PLXDC2: variants seen among roughly 807,000 people sequenced by gnomAD.
PLXDC2 encodes the protein plexin domain containing 2.
PLXDC2 carries 40 observed loss-of-function variants against 68.9 expected under a neutral mutation model. The observed-to-expected ratio is 0.58, with a 90% CI of 0.45 to 0.76. PLXDC2 has a LOEUF of 0.76. Among genes scored for constraint, PLXDC2 ranks in the 30% least tolerant of loss-of-function variants. The pLI is 0.00. For synonymous variants in PLXDC2, 243 were observed against 234.2 expected (o/e 1.04, Z -0.34); for missense variants, 644 against 661.9 (o/e 0.97, Z 0.30).
intron 1 of PLXDC2, among the ~76,000 whole-genome samples, chr10:19,823,457 G>A (rs1350397451): frequency 6.6e-6 from 1 of 151,622 alleles, no homozygotes; most frequent in African/African-American, 2.4e-5. Context: ...GTGGAGGTGG[G>A]TAGATCAAGA....
chr10:20,171,906 T>C (rs956658354), intron 7 of PLXDC2, among the ~76,000 whole-genome samples: 1 of 152,084 alleles, frequency 6.6e-6, no homozygotes, highest in African/African-American at 2.4e-5. Flanking sequence ...GCCCGCCAGT[T>C]CCAGACCAGC....
chr10:19,847,135 A>T (rs113234058), intron 1 of PLXDC2, among the ~76,000 whole-genome samples: 3 of 152,132 alleles, frequency 2.0e-5, no homozygotes, highest in African/African-American at 7.2e-5. Context: ...ACAGAGTCAA[A>T]CCACAACACT....
chr10:20,236,459 T>C (rs1588535186), intron 12 of PLXDC2, among the ~76,000 whole-genome samples: 1 of 151,970 alleles, frequency 6.6e-6, no homozygotes, highest in Admixed American at 6.6e-5. Flanking sequence ...TTAATAATAA[T>C]AACAATAATT....
chr10:20,112,724 T>G (rs560410687), intron 4 of PLXDC2, among the ~76,000 whole-genome samples: 22 of 152,360 alleles, frequency 1.4e-4, no homozygotes, highest in Middle Eastern at 3.4e-3. Context: ...TTAGGCTACC[T>G]TAGTTTATTC....
chr10:20,269,669 C>G (rs192380609), intron 13 of PLXDC2, among the ~76,000 whole-genome samples: 5 of 152,208 alleles, frequency 3.3e-5, no homozygotes, highest in Middle Eastern at 3.4e-3. Context: ...GAAGGACAAA[C>G]CACAGAAGCT....
At chr10:20,260,400 T>C (rs1041707281) in intron 13 of PLXDC2, among the ~76,000 whole-genome samples, 7 of 152,228 alleles carry the variant, frequency 4.6e-5, no homozygotes, top group Non-Finnish European at 1.0e-4. Flanking sequence ...TCTGGTTTTA[T>C]GTAATTGATC....
chr10:20,146,379 CCCT>C (rs1834077962), intron 5 of PLXDC2, among the ~76,000 whole-genome samples: 1 of 151,304 alleles, frequency 6.6e-6, no homozygotes, highest in Non-Finnish European at 1.5e-5. Flanking sequence ...CTTCCTCCCT[CCCT>C]CCTTTCTTTC....
In PLXDC2 at chr10:20,028,805, T is replaced by C. The variant is rs117576615; in HGVS notation, c.325-18064T>C. On this transcript the variant is annotated intron_variant, in intron 2 of 13. Transcript: ENST00000377252. ...TAGCTTCCAAACCAATGTCTGATTA[T>C]AATTTGTACCTTCTCTGTTCCACCC... Among the ~76,000 whole-genome samples the C allele has an allele frequency of 3.0e-3, 454 of 152,334 alleles. 20 individuals carry two copies. In the East Asian group the frequency reaches 0.077, roughly 26 times the overall value.
intron 13 of PLXDC2, among the ~76,000 whole-genome samples, chr10:20,259,070 T>C (rs935025836): frequency 6.6e-6 from 1 of 151,734 alleles, no homozygotes; most frequent in Admixed American, 6.6e-5. Flanking sequence ...CAGGATGAGC[T>C]AAGAGGAAGC....
chr10:20,030,673 A>T (rs756836487), intron 2 of PLXDC2, among the ~76,000 whole-genome samples: 17 of 152,096 alleles, frequency 1.1e-4, no homozygotes, highest in Non-Finnish European at 2.2e-4. Flanking sequence ...TGATTGGTAG[A>T]TACAGCTGAG....
At chr10:20,125,816 G>C (rs1307415209) in intron 4 of PLXDC2, among the ~76,000 whole-genome samples, 1 of 152,016 alleles carries the variant, frequency 6.6e-6, no homozygotes, top group Non-Finnish European at 1.5e-5. Context: ...TTATAGAGGA[G>C]ATTGCAACTC....
chr10:20,133,842 A>C (rs1833900353), intron 4 of PLXDC2, among the ~76,000 whole-genome samples: 2 of 152,120 alleles, frequency 1.3e-5, no homozygotes, highest in Non-Finnish European at 2.9e-5. Context: ...TAATGAATAT[A>C]TTGGTTCACT....
At chr10:19,962,104 C>A (rs911690490) in intron 1 of PLXDC2, among the ~76,000 whole-genome samples, 1 of 151,850 alleles carries the variant, frequency 6.6e-6, no homozygotes, top group Admixed American at 6.6e-5. Flanking sequence ...ATTTTTCTTG[C>A]CATAAAGCTA....
At chr10:20,146,079 A>C (rs1834073653) in intron 5 of PLXDC2, among the ~76,000 whole-genome samples, 1 of 152,228 alleles carries the variant, frequency 6.6e-6, no homozygotes, top group African/African-American at 2.4e-5. Context: ...CCAAGTTCAC[A>C]TGGAAAGTTT....
At chr10:20,005,740 A>T (rs2131640455) in intron 2 of PLXDC2, among the ~76,000 whole-genome samples, 1 of 152,236 alleles carries the variant, frequency 6.6e-6, no homozygotes, top group East Asian at 1.9e-4. Flanking sequence ...TCACCAAGGG[A>T]ATGGCACTAA....
chr10:19,986,453 T>C lies in PLXDC2; in HGVS notation c.113-15322T>C, dbSNP rs1020454395. Among the ~76,000 whole-genome samples, 3 of 151,882 alleles carry C rather than the reference T, an allele frequency of 2.0e-5. No homozygotes were observed. In the East Asian group the frequency reaches 5.8e-4, roughly 29 times the overall value. On this transcript the variant is annotated intron_variant, in intron 1 of 13. Transcript: ENST00000377252. ...ATTTTTGACTTAATTTTAATTAAAC[T>C]TCATGAAGTATTCGATTGATAAATG...
At chr10:19,941,903 A>C (rs1833825300) in intron 1 of PLXDC2, among the ~76,000 whole-genome samples, 1 of 151,870 alleles carries the variant, frequency 6.6e-6, no homozygotes, top group African/African-American at 2.4e-5. Context: ...TTTTTTCATA[A>C]GATGAGGTAC....
At chr10:20,125,448 A>G (rs1833760151) in intron 4 of PLXDC2, among the ~76,000 whole-genome samples, 1 of 152,208 alleles carries the variant, frequency 6.6e-6, no homozygotes. Flanking sequence ...GAAGGGCTGG[A>G]TAGAGAGATT....
At chr10:19,965,720 G>A (rs75460190) in intron 1 of PLXDC2, among the ~76,000 whole-genome samples, 1 of 86,374 alleles carries the variant, frequency 1.2e-5, no homozygotes, top group African/African-American at 3.0e-5. Flanking sequence ...GTTTTTTTTG[G>A]GGGGGGGGGT....
Sources: gnomAD v4.1 joint callset for allele counts (sites outside exome capture counted in the v4.1 genomes callset) on GRCh38, gnomAD v4.1.1 for gene constraint, MANE v1.5 for transcripts, NCBI Gene and HGNC (gene_info 2026-07-23, HGNC 2026-07-21) for gene names.